Variants in LGMN observed in about 807,000 individuals in gnomAD.
LGMN encodes the protein asparaginyl endopeptidase.
In LGMN, 36 loss-of-function variants were observed where a neutral mutation model predicts 56.8. The ratio of observed to expected loss-of-function variants is 0.63; its 90% CI spans 0.49 to 0.84. LGMN has a LOEUF of 0.84. LGMN is among the 40% of genes least tolerant of loss of function. The probability of loss-of-function intolerance (pLI) is 0.00; values close to 1 mark genes in which losing one functional copy is unlikely to be tolerated. For missense variants in LGMN, 446 were observed against 556.1 expected, an observed-to-expected ratio of 0.80 and a Z score of 1.99; for synonymous variants, 199 against 210.1, an observed-to-expected ratio of 0.95 and a Z score of 0.46.
At chr14:92,720,484 A>G (rs1033560397) in intron 2 of LGMN, among the ~76,000 whole-genome samples, 49 of 152,164 alleles carry the variant, frequency 3.2e-4, no homozygotes, top group African/African-American at 1.2e-3. Context: ...CCTGACCAAC[A>G]TGGTGAAACC....
In LGMN at chr14:92,711,938, C is replaced by T; in HGVS notation, c.628G>A (p.Ala210Thr). ...GCGTAGGACGACTCTCTGGGGTTGG[C>T]AGCAGTAGTTGCATAAACTACGAGG... Reference protein sequence around the residue: ...DNINVYATTAANPRESSYACY... With the variant: ...DNINVYATTATNPRESSYACY... Residue 210 changes from alanine to threonine, a missense_variant, in exon 9 of 14, where the codon GCC (alanine) becomes ACC (threonine). Ala to Thr is a moderately conservative substitution (Grantham distance 58). Transcript: ENST00000334869. 6.2e-7 allele frequency: 1 copy of T among 1,613,444 alleles called. No homozygotes were observed. The highest frequency in any genetic ancestry group is 8.5e-7 in the Non-Finnish European group (1 of 1,179,388).
intron 3 of LGMN, among the ~76,000 whole-genome samples, chr14:92,718,036 A>C (rs183717764): frequency 9.3e-4 from 142 of 152,254 alleles, no homozygotes; most frequent in African/African-American, 3.4e-3. Flanking sequence ...GTGAAGTTAA[A>C]CTCAGCAAGT....
intron 1 of LGMN, chr14:92,741,662 C>G (rs1181326237): frequency 1.3e-5 from 2 of 152,168 alleles, no homozygotes; most frequent in Non-Finnish European, 2.9e-5. Context: ...CCAGCCTGGC[C>G]AACATGGTGA....
At chr14:92,732,843 C>T (rs1054786143) in intron 1 of LGMN, 28 bp from the exon 2 acceptor site, 14 of 1,582,268 alleles carry the variant, frequency 8.8e-6, no homozygotes, top group Non-Finnish European at 1.2e-5. Context: ...GAGTCAAGTA[C>T]AAAGCAACAA....
chr14:92,706,321 A>T, intron 12 of LGMN, 162 bp downstream of exon 12: 1 of 541,054 alleles, frequency 1.8e-6, no homozygotes, highest in Non-Finnish European at 3.0e-6. Context: ...GCCAAGATTT[A>T]AAATTAGTGA....
intron 2 of LGMN, among the ~76,000 whole-genome samples, chr14:92,722,138 GAGAGTCCATC>G (rs1202300854): frequency 6.6e-6 from 1 of 151,662 alleles, no homozygotes; most frequent in African/African-American, 2.4e-5. Context: ...GGAAGGGAAG[GAGAGTCCATC>G]AGACAGGGGA....
intron 11 of LGMN, 53 bp from the exon 12 acceptor site, chr14:92,706,706 G>T (rs1230296912): frequency 2.7e-6 from 4 of 1,478,926 alleles, no homozygotes; most frequent in Middle Eastern, 1.9e-4. Context: ...CGGTCTCTCA[G>T]GGACCCAGGT....
At chr14:92,745,477 C>G (rs1226853307) in intron 1 of LGMN, among the ~76,000 whole-genome samples, 1 of 152,128 alleles carries the variant, frequency 6.6e-6, no homozygotes, top group Non-Finnish European at 1.5e-5. Flanking sequence ...ATCTTTTTTC[C>G]ACATTACAGA....
chr14:92,746,394 A>T (rs763951014), intron 1 of LGMN, among the ~76,000 whole-genome samples: 1 of 152,242 alleles, frequency 6.6e-6, no homozygotes, highest in African/African-American at 2.4e-5. Flanking sequence ...ACATTTCTTC[A>T]AAAGATAGTC....
In LGMN at chr14:92,712,050, G is replaced by A. The variant is rs938971243; in HGVS notation, c.611-95C>T. 21 of 939,258 alleles carry A rather than the reference G, an allele frequency of 2.2e-5. No homozygotes were observed. The East Asian group carries it at 2.6e-4, about 12-fold the overall frequency. The allele number at this position is 939,258 out of a possible 1,614,324, so 58.2% of individuals were successfully genotyped here. On this transcript the variant is annotated intron_variant, in intron 8 of 13. Coordinates refer to ENST00000334869, the MANE Select transcript of LGMN (RefSeq NM_005606.7). ...TCCTTCTTTCTCCCCCGGTGAAATC[G>A]AAGCATGCTACTTATGATCCACACA...
At chr14:92,727,035 G>A (rs966790100) in intron 2 of LGMN, among the ~76,000 whole-genome samples, 2 of 152,168 alleles carry the variant, frequency 1.3e-5, no homozygotes, top group Admixed American at 1.3e-4. Flanking sequence ...TCTTCTTTGA[G>A]ATTTTGTTTG....
At chr14:92,713,688 C>G (rs1889914836) in intron 7 of LGMN, 135 bp downstream of exon 7, 5 of 710,130 alleles carry the variant, frequency 7.0e-6, no homozygotes, top group South Asian at 1.5e-5. Flanking sequence ...CCTGGGAAAC[C>G]AGGGATTGGA....
chr14:92,744,641 G>A (rs1236093670), intron 1 of LGMN, among the ~76,000 whole-genome samples: 1 of 148,888 alleles, frequency 6.7e-6, no homozygotes, highest in African/African-American at 2.5e-5. Context: ...TGTTGCCCAG[G>A]CTGGAGTGCA....
chr14:92,725,208 G>T (rs1217635953), intron 2 of LGMN, among the ~76,000 whole-genome samples: 8 of 152,158 alleles, frequency 5.3e-5, no homozygotes, highest in Non-Finnish European at 1.5e-5. Context: ...GCATTCCCTT[G>T]CACAGTCCCC....
intron 13 of LGMN, 32 bp downstream of exon 13, chr14:92,704,608 G>T: frequency 1.3e-6 from 2 of 1,568,416 alleles, no homozygotes; most frequent in South Asian, 2.2e-5. Flanking sequence ...GAATGACATC[G>T]ACCTTTCAAG....
chr14:92,714,994 ATTTTTTTT>A lies in LGMN; in HGVS notation c.405-551_405-544del, dbSNP rs780256263. 1.6e-5 allele frequency among the ~76,000 whole-genome samples: 2 copies of A among 127,388 alleles called. No individual in the cohort carries two copies. Among genetic ancestry groups the A allele is most frequent in the Non-Finnish European group, 3.3e-5 (2 of 61,000 alleles). 83.6% of individuals were successfully genotyped at this position (127,388 alleles called of 152,430 possible). On this transcript the variant is annotated intron_variant, in intron 5 of 13. Transcript: ENST00000334869. This position sits in a 1 kb window ranked among gnomAD's most constrained non-coding sequence, Gnocchi z 5.1. ...CTCACAGATGTCCATCTCCATACTAATTTTTTTTTTTTTTTTTTTTTTGAGATGGAGTC... is the reference window on the plus strand; with the variant it reads ...CTCACAGATGTCCATCTCCATACTAATTTTTTTTTTTTTTGAGATGGAGTC...
At chr14:92,704,915 T>C (rs548551912) in intron 12 of LGMN, 56 of 524,872 alleles carry the variant, frequency 1.1e-4, no homozygotes, top group African/African-American at 6.2e-4. Context: ...TGCATGCAAG[T>C]TGGGGGGCTG....
chr14:92,721,089 G>A (rs1336750790), intron 2 of LGMN, among the ~76,000 whole-genome samples: 1 of 151,870 alleles, frequency 6.6e-6, no homozygotes, highest in African/African-American at 2.4e-5. Context: ...TCAGGGTCTC[G>A]CTATGTTGCT....
Position 92,748,583 on chromosome 14 carries a change from C to G in LGMN, c.-124G>C, listed in dbSNP as rs1258684215. The G allele has an allele frequency of 6.5e-6, 1 of 153,878 alleles. No homozygotes were observed. Among genetic ancestry groups the G allele is most frequent in the Non-Finnish European group, 1.5e-5 (1 of 68,600 alleles). The allele number at this position is 153,878 out of a possible 1,614,324, so 9.5% of individuals were successfully genotyped here. A position where few individuals can be genotyped will look rare whatever the true frequency, so the allele number is the denominator to read the frequency against. Reference sequence around the variant, plus strand: ...GGGACCGTGAGAACTCGCGGCGGCTCGCAGCCTCACACCAAACACCCACGA... The same window carrying G: ...GGGACCGTGAGAACTCGCGGCGGCTGGCAGCCTCACACCAAACACCCACGA... On this transcript the variant is annotated 5_prime_UTR_variant, in exon 1 of 14. Coordinates refer to ENST00000334869, the MANE Select transcript of LGMN (RefSeq NM_005606.7).
Sources: allele counts gnomAD v4.1 joint callset (sites outside exome capture counted in the v4.1 genomes callset), GRCh38; gene constraint gnomAD v4.1.1; non-coding constraint Gnocchi (gnomAD v3.1); transcripts MANE v1.5; gene names NCBI Gene and HGNC (gene_info 2026-07-23, HGNC 2026-07-21).